Variants in HDLBP observed in about 807,000 individuals in gnomAD.
HDLBP encodes the protein vigilin.
A neutral mutation model predicts 137.3 loss-of-function variants in HDLBP; 30 were observed. The observed-to-expected ratio is 0.22, with a 90% CI of 0.16 to 0.30. HDLBP has a LOEUF of 0.30. Ranked by LOEUF, HDLBP falls within the 10% of genes least tolerant of loss-of-function variation. The pLI is 1.00. For synonymous variants in HDLBP, 606 were observed against 596.0 expected (o/e 1.02, Z -0.24); for missense variants, 1,119 against 1,667.3 (o/e 0.67, Z 5.73).
rs558015566 is a variant in HDLBP, at chr2:241,254,901, A to T, written c.1188+150T>A. ...CTGCTGTTCTTTAAGCTAACACGGA[A>T]GTTGACCATGTCAAACAGGCCAGTT... is the stretch of plus-strand genomic sequence containing the variant. On this transcript the variant is annotated intron_variant, in intron 9 of 27. Transcript: ENST00000310931. 4 of 685,196 alleles carry T rather than the reference A, an allele frequency of 5.8e-6. No individual in the cohort carries two copies. The East Asian group carries it at 7.7e-5, about 13-fold the overall frequency. 42.4% of individuals were successfully genotyped at this position (685,196 alleles called of 1,614,324 possible). A position where few individuals can be genotyped will look rare whatever the true frequency, so the allele number is the denominator to read the frequency against.
At chr2:241,283,568 A>G (rs956720560) in intron 1 of HDLBP, among the ~76,000 whole-genome samples, 1 of 150,464 alleles carries the variant, frequency 6.6e-6, no homozygotes, top group East Asian at 1.9e-4. Context: ...TCTGCCTCCC[A>G]GGTTCACACC....
intron 1 of HDLBP, chr2:241,302,719 T>A (rs1428888737): frequency 1.3e-5 from 2 of 152,348 alleles, no homozygotes; most frequent in African/African-American, 4.8e-5. Context: ...TAAGGCTGTC[T>A]GTTGTGGCAA....
intron 12 of HDLBP, 55 bp from the exon 13 acceptor site, chr2:241,248,403 C>T (rs2071849184): frequency 7.2e-7 from 1 of 1,386,474 alleles, no homozygotes; most frequent in Non-Finnish European, 1.0e-6. Flanking sequence ...GAGCAACTCC[C>T]CACTGACACA....
At chr2:241,267,772 C>G in intron 2 of HDLBP, 3 of 1,511,264 alleles carry the variant, frequency 2.0e-6, no homozygotes, top group Non-Finnish European at 2.6e-6. Context: ...ACAAATTGCG[C>G]TAAATGCCCT....
intron 1 of HDLBP, among the ~76,000 whole-genome samples, chr2:241,295,723 T>C (rs1398430602): frequency 3.3e-5 from 5 of 152,144 alleles, no homozygotes; most frequent in African/African-American, 1.2e-4. Context: ...GATACTAAGA[T>C]GAGGAGATGA....
At chr2:241,280,038 A>AG in intron 1 of HDLBP, 2 of 985,324 alleles carry the variant, frequency 2.0e-6, no homozygotes, top group Non-Finnish European at 1.2e-6. Flanking sequence ...AGAGATGTGG[A>AG]GGACAGGCGC....
In HDLBP at chr2:241,268,551, G is replaced by C. The variant is rs942126201; in HGVS notation, c.-102-10C>G. 2 of 964,248 alleles carry C rather than the reference G, an allele frequency of 2.1e-6. No homozygotes were observed. Among genetic ancestry groups the C allele is most frequent in the African/African-American group, 1.8e-5 (1 of 56,774 alleles). The allele number at this position is 964,248 out of a possible 1,614,324, so 59.7% of individuals were successfully genotyped here. ...AGCCTGCCAGCTTTTGCTGGTATGG[G>C]ATGGGAAGTGGGAGAGGAGAGAGAG... On this transcript the variant is annotated splice_polypyrimidine_tract_variant and intron_variant, in intron 1 of 27. Coordinates refer to ENST00000310931, the MANE Select transcript of HDLBP (RefSeq NM_005336.6).
intron 5 of HDLBP, among the ~76,000 whole-genome samples, chr2:241,257,433 A>G (rs939734504): frequency 2.6e-5 from 4 of 152,186 alleles, no homozygotes; most frequent in Admixed American, 1.3e-4. Context: ...GGGTTTCACC[A>G]TGTTGGCCCC....
At chr2:241,285,792 G>A (rs1048706420) in intron 1 of HDLBP, among the ~76,000 whole-genome samples, 2 of 152,180 alleles carry the variant, frequency 1.3e-5, no homozygotes, top group Non-Finnish European at 1.5e-5. Flanking sequence ...ACTTTGGGAG[G>A]CCAAGGCAGA....
chr2:241,274,391 T>C (rs1364060272), intron 1 of HDLBP, among the ~76,000 whole-genome samples: 2 of 152,192 alleles, frequency 1.3e-5, no homozygotes, highest in Admixed American at 6.5e-5. Flanking sequence ...TCCCTAGATG[T>C]GGAAATAGGC....
intron 1 of HDLBP, among the ~76,000 whole-genome samples, chr2:241,277,052 C>T (rs1012476683): frequency 8.6e-5 from 13 of 150,788 alleles, no homozygotes; most frequent in Admixed American, 7.9e-4. Context: ...CAGACCACCA[C>T]TCAATTAGAA....
chr2:241,306,706 G>A (rs891050055), intron 1 of HDLBP, among the ~76,000 whole-genome samples: 4 of 151,762 alleles, frequency 2.6e-5, no homozygotes, highest in Non-Finnish European at 5.9e-5. Flanking sequence ...TCAGGAATTC[G>A]AGACCAGCCT....
intron 5 of HDLBP, among the ~76,000 whole-genome samples, chr2:241,260,962 G>A (rs1293145619): frequency 6.6e-6 from 1 of 152,164 alleles, no homozygotes; most frequent in Non-Finnish European, 1.5e-5. Flanking sequence ...AGGCTGAAAT[G>A]AGTGGATCAT....
Position 241,272,369 on chromosome 2 carries a change from A to G in HDLBP, c.-102-3828T>C. On this transcript the variant is annotated intron_variant, in intron 1 of 27. Transcript: ENST00000310931. This position sits in a 1 kb window ranked among gnomAD's most constrained non-coding sequence, Gnocchi z 5.6. ...CCGCCAACGTCAGCGACCTGGGCTC[A>G]GGTCGGCCGCCCCTCCGCGCCGTGC... 1.0e-6 allele frequency: 1 copy of G among 981,570 alleles called. No homozygotes were observed. The highest frequency in any genetic ancestry group is 1.2e-6 in the Non-Finnish European group (1 of 828,862). 60.8% of individuals were successfully genotyped at this position (981,570 alleles called of 1,614,324 possible).
intron 16 of HDLBP, 98 bp downstream of exon 16, chr2:241,246,654 C>T (rs2149438043): frequency 2.5e-6 from 3 of 1,202,736 alleles, no homozygotes; most frequent in African/African-American, 3.0e-5. Flanking sequence ...TCAGCCTGCG[C>T]TGGCCCAATG....
At chr2:241,232,424 C>T (rs1164347783) in intron 24 of HDLBP, among the ~76,000 whole-genome samples, 1 of 152,056 alleles carries the variant, frequency 6.6e-6, no homozygotes, top group African/African-American at 2.4e-5. Flanking sequence ...TACAGGTGCA[C>T]GCGACCACGC....
Position 241,272,512 on chromosome 2 carries a change from C to T in HDLBP, c.-102-3971G>A, listed in dbSNP as rs1447162668. ...TTGAGAAAGTTTGTGCGCGCCCCTC[C>T]GCGCCACGGCCACGCGCAGAAGAGA... is the stretch of plus-strand genomic sequence containing the variant. On this transcript the variant is annotated intron_variant, in intron 1 of 27. Coordinates refer to ENST00000310931, the MANE Select transcript of HDLBP (RefSeq NM_005336.6). This position sits in a 1 kb window ranked among gnomAD's most constrained non-coding sequence, Gnocchi z 5.6. 1.5e-5 allele frequency: 15 copies of T among 984,620 alleles called. No individual in the cohort carries two copies. Among genetic ancestry groups the T allele is most frequent in the Non-Finnish European group, 1.7e-5 (14 of 829,718 alleles). The allele number at this position is 984,620 out of a possible 1,614,324, so 61.0% of individuals were successfully genotyped here. A position where few individuals can be genotyped will look rare whatever the true frequency, so the allele number is the denominator to read the frequency against.
rs369933902 is a variant in HDLBP, at chr2:241,235,267, G to C, written c.3010-12C>G. 3.1e-6 allele frequency: 5 copies of C among 1,614,042 alleles called. No individual in the cohort carries two copies. In the African/African-American group the frequency reaches 4.0e-5, roughly 13 times the overall value. On this transcript the variant is annotated splice_polypyrimidine_tract_variant and intron_variant, in intron 22 of 27. Coordinates refer to ENST00000310931, the MANE Select transcript of HDLBP (RefSeq NM_005336.6). ...ACATGTATGTTCACCTACGTGAAGA[G>C]GGGGCTGACTTGACGTTCAGGACCC... is the stretch of plus-strand genomic sequence containing the variant.
intron 9 of HDLBP, among the ~76,000 whole-genome samples, chr2:241,253,929 T>C (rs552456114): frequency 5.3e-5 from 8 of 152,302 alleles, no homozygotes; most frequent in African/African-American, 1.9e-4. Context: ...CCAGAGTTCC[T>C]GGTTTATTAT....
Sources: allele counts gnomAD v4.1 joint callset (sites outside exome capture counted in the v4.1 genomes callset), GRCh38; gene constraint gnomAD v4.1.1; non-coding constraint Gnocchi (gnomAD v3.1); transcripts MANE v1.5; gene names NCBI Gene and HGNC (gene_info 2026-07-23, HGNC 2026-07-21).